CDC27: variants seen among roughly 807,000 people sequenced by gnomAD.
CDC27 encodes the protein cell division cycle 27, also known as cell division cycle protein 27 homolog.
Under a neutral mutation model 109.7 loss-of-function variants are expected in CDC27, and 27 were observed. The observed-to-expected ratio is 0.25, with a 90% CI of 0.18 to 0.34. The LOEUF (loss-of-function observed/expected upper bound fraction) is 0.34, where lower values mean the gene tolerates loss of function less well. Among genes scored for constraint, CDC27 ranks in the 10% least tolerant of loss-of-function variants. CDC27 has a pLI of 1.00. For synonymous variants in CDC27, 266 were observed against 333.9 expected (o/e 0.80, Z 2.22); for missense variants, 579 against 960.2 (o/e 0.60, Z 5.25).
chr17:47,180,889 C>T (rs1048513185), intron 2 of CDC27, among the ~76,000 whole-genome samples: 1 of 146,416 alleles, frequency 6.8e-6, no homozygotes. Flanking sequence ...AGGATTTGTT[C>T]CAAGGCTATA....
intron 12 of CDC27, among the ~76,000 whole-genome samples, chr17:47,141,117 A>G (rs1424875607): frequency 6.6e-6 from 1 of 152,228 alleles, no homozygotes; most frequent in Non-Finnish European, 1.5e-5. Flanking sequence ...TCTAGAAGAG[A>G]GTCCAGGATA....
intron 2 of CDC27, among the ~76,000 whole-genome samples, chr17:47,172,299 G>A (rs1466291145): frequency 6.6e-6 from 1 of 152,074 alleles, no homozygotes; most frequent in Non-Finnish European, 1.5e-5. Flanking sequence ...ATACAATGAA[G>A]ACAATCATGG....
At chr17:47,140,132 A>G (rs2148860200) in intron 12 of CDC27, among the ~76,000 whole-genome samples, 1 of 152,322 alleles carries the variant, frequency 6.6e-6, no homozygotes, top group African/African-American at 2.4e-5. Flanking sequence ...GATATATAGG[A>G]ATAGCTTAAC....
intron 1 of CDC27, among the ~76,000 whole-genome samples, chr17:47,184,397 A>G (rs1259107620): frequency 2.6e-5 from 4 of 152,208 alleles, no homozygotes; most frequent in Non-Finnish European, 4.4e-5. Flanking sequence ...CTTATTTTGC[A>G]ATATATAAGC....
Position 47,123,875 on chromosome 17 carries a change from CCA to C in CDC27, c.2235+9_2235+10del, listed in dbSNP as rs771350489. The C allele has an allele frequency of 2.7e-5, 43 of 1,565,400 alleles. No homozygotes were observed. Among genetic ancestry groups the C allele is most frequent in the African/African-American group, 4.1e-5 (3 of 72,472 alleles). On this transcript the variant is annotated intron_variant, in intron 17 of 18. Transcript: ENST00000066544. Reference sequence around the variant, plus strand: ...AAAGTCACTGTTTGGGACCATGACCCCAGTCTTTACCTTTCCTATTAAGAAGT... The same window carrying C: ...AAAGTCACTGTTTGGGACCATGACCCGTCTTTACCTTTCCTATTAAGAAGT...
intron 13 of CDC27, 150 bp from the exon 14 acceptor site, chr17:47,137,510 C>T (rs1765805529): frequency 9.7e-6 from 5 of 515,268 alleles, no homozygotes; most frequent in Non-Finnish European, 1.7e-5. Context: ...TTCACAGATT[C>T]CATATTTGTG....
At chr17:47,178,856 G>A (rs1237644753) in intron 2 of CDC27, among the ~76,000 whole-genome samples, 1 of 152,108 alleles carries the variant, frequency 6.6e-6, no homozygotes, top group Middle Eastern at 3.4e-3. Flanking sequence ...AGGCTGGAGT[G>A]CAGTGGTGTA....
At chr17:47,177,811 T>C (rs1446280660) in intron 2 of CDC27, among the ~76,000 whole-genome samples, 4 of 152,142 alleles carry the variant, frequency 2.6e-5, no homozygotes, top group Non-Finnish European at 5.9e-5. Context: ...ACAAAACTTA[T>C]GTCTGGTTGA....
chr17:47,128,375 T>C (rs1280115170), intron 16 of CDC27, among the ~76,000 whole-genome samples: 2 of 152,198 alleles, frequency 1.3e-5, no homozygotes, highest in African/African-American at 4.8e-5. Flanking sequence ...TCTGATTGAA[T>C]AAATGATAAC....
At chr17:47,158,449 T>A in intron 4 of CDC27, 146 bp from the exon 5 acceptor site, 2 of 410,622 alleles carry the variant, frequency 4.9e-6, no homozygotes, top group Non-Finnish European at 8.6e-6. Context: ...TTCTCCCATC[T>A]GCTAATCTCC....
At chr17:47,159,998 CTTCT>C (rs1476875175) in intron 4 of CDC27, 11 of 231,088 alleles carry the variant, frequency 4.8e-5, no homozygotes, top group African/African-American at 1.4e-4. Context: ...GAAACCTCTG[CTTCT>C]TTTTTTTTTT....
Position 47,158,273 on chromosome 17 carries a change from T to C in CDC27, c.408A>G (p.Glu136=), listed in dbSNP as rs2063380417. Residue 136 remains glutamate, a synonymous_variant, in exon 5 of 19, where the codon GAA becomes GAG. Coordinates refer to ENST00000066544, the MANE Select transcript of CDC27 (RefSeq NM_001256.6). ...TTAAACTAAGGCTCTTTTGGTAACATTCTGATCCTTTGGCAAGCCGATCTG... is the reference window on the plus strand; with the variant it reads ...TTAAACTAAGGCTCTTTTGGTAACACTCTGATCCTTTGGCAAGCCGATCTG... The part of the protein sequence containing the change: ...CKTDRLAKGS[E]CYQKSLSLNP... 1 of 1,571,992 alleles carries C rather than the reference T, an allele frequency of 6.4e-7. No homozygotes were observed. The highest frequency in any genetic ancestry group is 8.6e-7 in the Non-Finnish European group (1 of 1,159,642).
intron 1 of CDC27, 177 bp downstream of exon 1, chr17:47,188,969 A>T (rs2064562413): frequency 6.9e-7 from 1 of 1,459,636 alleles, no homozygotes. Flanking sequence ...GCCAGAGGTA[A>T]CACGGCTTAG....
At chr17:47,142,462 C>T in intron 10 of CDC27, 26 bp from the exon 11 acceptor site, 1 of 915,600 alleles carries the variant, frequency 1.1e-6, no homozygotes, top group Non-Finnish European at 1.7e-6. Context: ...AATTTCACAC[C>T]TGTTATACTC....
intron 5 of CDC27, among the ~76,000 whole-genome samples, chr17:47,157,650 CTG>C (rs2063358836): frequency 2.0e-5 from 3 of 152,106 alleles, no homozygotes; most frequent in Non-Finnish European, 4.4e-5. Flanking sequence ...ATGCAGATTT[CTG>C]TGTTTGTTTT....
At chr17:47,127,658 C>T (rs2062186450) in intron 16 of CDC27, among the ~76,000 whole-genome samples, 1 of 152,024 alleles carries the variant, frequency 6.6e-6, no homozygotes, top group Non-Finnish European at 1.5e-5. Context: ...GCCCCAGCCT[C>T]CCAAAGGGCT....
At chr17:47,140,996 T>C (rs1292418322) in intron 12 of CDC27, among the ~76,000 whole-genome samples, 1 of 152,212 alleles carries the variant, frequency 6.6e-6, no homozygotes, top group African/African-American at 2.4e-5. Flanking sequence ...TCATTTTTCT[T>C]CATGACTTAT....
chr17:47,121,319 A>G (rs1257267623), intron 18 of CDC27, among the ~76,000 whole-genome samples: 1 of 152,164 alleles, frequency 6.6e-6, no homozygotes, highest in African/African-American at 2.4e-5. Flanking sequence ...CATTAAAAAA[A>G]AAAAATTGAC....
intron 14 of CDC27, among the ~76,000 whole-genome samples, chr17:47,134,459 C>T (rs1017487035): frequency 6.6e-6 from 1 of 152,022 alleles, no homozygotes; most frequent in Non-Finnish European, 1.5e-5. Flanking sequence ...CAGGCATACA[C>T]CACCATGCCT....
Sources: allele counts gnomAD v4.1 joint callset (sites outside exome capture counted in the v4.1 genomes callset), GRCh38; gene constraint gnomAD v4.1.1; transcripts MANE v1.5; gene names NCBI Gene and HGNC (gene_info 2026-07-23, HGNC 2026-07-21).